AKAP19: variants seen among roughly 807,000 people sequenced by gnomAD.
AKAP19 encodes the protein A-kinase anchoring protein 19, also known as small A-kinase anchoring protein.
chr2:190,196,832 G>C, the AKAP19 span, among the ~76,000 whole-genome samples: 1 of 152,136 alleles, frequency 6.6e-6, no homozygotes, highest in Non-Finnish European at 1.5e-5. Flanking sequence ...CTGAGTAGTT[G>C]TAACATAGAC....
At chr2:190,183,373 A>T in the AKAP19 span, among the ~76,000 whole-genome samples, 1 of 152,148 alleles carries the variant, frequency 6.6e-6, no homozygotes, top group Non-Finnish European at 1.5e-5. Context: ...TCTTCTCCAT[A>T]AGGACATTAT....
At chr2:190,082,679 T>C in the AKAP19 span, among the ~76,000 whole-genome samples, 10 of 152,224 alleles carry the variant, frequency 6.6e-5, no homozygotes, top group African/African-American at 2.2e-4. Flanking sequence ...TTAATTCTCA[T>C]AGCAATTCTT....
the AKAP19 span, among the ~76,000 whole-genome samples, chr2:190,073,773 C>T: frequency 3.1e-4 from 47 of 151,894 alleles, no homozygotes; most frequent in Non-Finnish European, 5.9e-4. Context: ...AGATATCGGC[C>T]GGGTGCGGTG....
chr2:189,885,393 G>A, the AKAP19 span, among the ~76,000 whole-genome samples: 1 of 152,228 alleles, frequency 6.6e-6, no homozygotes, highest in Non-Finnish European at 1.5e-5. Flanking sequence ...TGGAGAAAGA[G>A]ATATTTGACT....
the AKAP19 span, among the ~76,000 whole-genome samples, chr2:190,181,978 T>G: frequency 6.6e-6 from 1 of 152,258 alleles, no homozygotes; most frequent in Non-Finnish European, 1.5e-5. Context: ...AAGAATAATT[T>G]CAGTTTTTAA....
the AKAP19 span, among the ~76,000 whole-genome samples, chr2:190,006,629 A>G: frequency 9.6e-6 from 1 of 104,588 alleles, no homozygotes; most frequent in Non-Finnish European, 2.0e-5. Flanking sequence ...ACAGAACGAG[A>G]CTCTGTCTCA....
the AKAP19 span, among the ~76,000 whole-genome samples, chr2:189,904,314 G>A: frequency 5.3e-5 from 8 of 152,092 alleles, no homozygotes; most frequent in South Asian, 2.1e-4. Context: ...CACAAAGTGC[G>A]TAAGTGACCA....
At chr2:190,062,820 A>G in the AKAP19 span, 5 of 503,294 alleles carry the variant, frequency 9.9e-6, no homozygotes, top group South Asian at 2.5e-5. Flanking sequence ...TCCACAATGA[A>G]TCTCGCTGTC....
At chr2:190,100,785 T>A in the AKAP19 span, among the ~76,000 whole-genome samples, 1 of 152,176 alleles carries the variant, frequency 6.6e-6, no homozygotes, top group Non-Finnish European at 1.5e-5. Context: ...GAGCTTTAAT[T>A]CAAGAAGGAA....
the AKAP19 span, among the ~76,000 whole-genome samples, chr2:189,902,264 C>A: frequency 6.6e-6 from 1 of 151,832 alleles, no homozygotes. Flanking sequence ...TCTTAATTAT[C>A]CTATCTGTTT....
At chr2:190,075,558 T>A in the AKAP19 span, among the ~76,000 whole-genome samples, 1 of 152,170 alleles carries the variant, frequency 6.6e-6, no homozygotes, top group Admixed American at 6.5e-5. Flanking sequence ...TCATGATGAA[T>A]TAAATCAACT....
chr2:190,055,334 T>TG, the AKAP19 span, among the ~76,000 whole-genome samples: 1 of 38,462 alleles, frequency 2.6e-5, no homozygotes, highest in South Asian at 1.0e-3. Flanking sequence ...TGTTGTGGGG[T>TG]GGGGGGAGGG....
At chr2:190,037,172 AC>A in the AKAP19 span, among the ~76,000 whole-genome samples, 27 of 152,326 alleles carry the variant, frequency 1.8e-4, no homozygotes, top group Middle Eastern at 0.01. Context: ...GGGTAATCAG[AC>A]TTGGTTTCTT....
chr2:189,918,738 A>C, the AKAP19 span, among the ~76,000 whole-genome samples: 241 of 152,340 alleles, frequency 1.6e-3, 1 homozygote, highest in Non-Finnish European at 2.9e-3. Flanking sequence ...CACAATGGCC[A>C]AAAAGTGAAA....
the AKAP19 span, among the ~76,000 whole-genome samples, chr2:189,957,313 A>G: frequency 6.6e-6 from 1 of 152,226 alleles, no homozygotes; most frequent in African/African-American, 2.4e-5. Context: ...TTTCTATGCT[A>G]TACATATATA....
chr2:189,986,108 G>A, the AKAP19 span, among the ~76,000 whole-genome samples: 1 of 152,118 alleles, frequency 6.6e-6, no homozygotes, highest in Non-Finnish European at 1.5e-5. Context: ...TTGCGGGTGT[G>A]GTATCTCCTA....
chr2:189,982,056 C>T, the AKAP19 span, among the ~76,000 whole-genome samples: 46 of 152,192 alleles, frequency 3.0e-4, no homozygotes, highest in Non-Finnish European at 5.0e-4. Context: ...ACTGTCTACC[C>T]AAGATTAGGG....
the AKAP19 span, among the ~76,000 whole-genome samples, chr2:189,947,710 T>C: frequency 1.3e-5 from 2 of 152,126 alleles, no homozygotes; most frequent in Admixed American, 6.5e-5. Flanking sequence ...ATATGGATTA[T>C]GTATGGATTA....
the AKAP19 span, among the ~76,000 whole-genome samples, chr2:190,098,737 TA>T: frequency 6.6e-6 from 1 of 152,202 alleles, no homozygotes; most frequent in Admixed American, 6.5e-5. Context: ...TCTTCCAATA[TA>T]AGGCTGTCTC....
Sources: gnomAD v4.1 joint callset for allele counts (sites outside exome capture counted in the v4.1 genomes callset) on GRCh38, gnomAD v4.1.1 for gene constraint, MANE v1.5 for transcripts, NCBI Gene and HGNC (gene_info 2026-07-23, HGNC 2026-07-21) for gene names.